Variants in NSD1 observed in about 807,000 individuals in gnomAD.
NSD1 encodes histone-lysine N-methyltransferase, H3 lysine-36 specific.
A neutral mutation model predicts 242.7 loss-of-function variants in NSD1; 26 were observed. The ratio of observed to expected loss-of-function variants is 0.11; its 90% CI spans 0.08 to 0.15. The LOEUF is 0.15. NSD1 is among the 10% of genes least tolerant of loss of function. NSD1 has a pLI of 1.00. For synonymous variants in NSD1, 1,106 were observed against 1,178.1 expected (o/e 0.94, Z 1.25); for missense variants, 2,495 against 3,272.8 (o/e 0.76, Z 5.80).
intron 14 of NSD1, chr5:177,266,328 T>G: frequency 1.4e-6 from 1 of 719,932 alleles, no homozygotes. Context: ...TAATCAGAGC[T>G]ACTGGAACAC....
At chr5:177,292,711 G>A (rs1351686550) in intron 22 of NSD1, among the ~76,000 whole-genome samples, 1 of 152,186 alleles carries the variant, frequency 6.6e-6, no homozygotes, top group South Asian at 2.1e-4. Context: ...AGGAGATTTG[G>A]TTGTATCAGT....
intron 2 of NSD1, chr5:177,136,309 T>C: frequency 2.7e-6 from 1 of 366,134 alleles, no homozygotes; most frequent in Non-Finnish European, 5.0e-6. Flanking sequence ...TTTCTCAAGT[T>C]GGAGGTATAC....
intron 5 of NSD1, among the ~76,000 whole-genome samples, chr5:177,232,387 G>T (rs1765126734): frequency 6.6e-6 from 1 of 152,178 alleles, no homozygotes; most frequent in Non-Finnish European, 1.5e-5. Context: ...TTCCTAATCA[G>T]AAATCCAAAA....
In NSD1 at chr5:177,269,889, C is replaced by A; in HGVS notation, c.5509+82C>A. The A allele has an allele frequency of 1.6e-6, 2 of 1,251,770 alleles. No individual in the cohort carries two copies. The highest frequency in any genetic ancestry group is 2.2e-6 in the Non-Finnish European group (2 of 891,862). 77.5% of individuals were successfully genotyped at this position (1,251,770 alleles called of 1,614,324 possible). Reference sequence around the variant, plus strand: ...TGATCTGTTTTAGAATTCACATATGCTCCATTTTGAAACTGCCTTTGTCCT... The same window carrying A: ...TGATCTGTTTTAGAATTCACATATGATCCATTTTGAAACTGCCTTTGTCCT... On this transcript the variant is annotated intron_variant, in intron 16 of 22. Transcript: ENST00000439151. This position sits in a 1 kb window ranked among gnomAD's most constrained non-coding sequence, Gnocchi z 5.1.
chr5:177,287,205 C>T (rs868044211), intron 20 of NSD1, among the ~76,000 whole-genome samples: 1 of 152,360 alleles, frequency 6.6e-6, no homozygotes, highest in African/African-American at 2.4e-5. Flanking sequence ...TGTGATTACA[C>T]TTACATAGTA....
In NSD1 at chr5:177,294,891, G is replaced by A. The variant is rs11542768; in HGVS notation, c.7523G>A (p.Cys2508Tyr). The part of the protein sequence containing the change: ...GHMPRAVEKG[C>Y]VSDPLQTSGK... ...ATGCCGAGAGCTGTTGAGAAAGGCT[G>A]TGTGTCAGATCCTCTTCAGACATCT... The change falls in exon 23 of 23, where the codon TGT becomes TAT. Residue 2508 changes from cysteine (C) to tyrosine (Y), a missense_variant. Physicochemically the swap from Cys to Tyr is radical, Grantham distance 194. Coordinates refer to ENST00000439151, the MANE Select transcript of NSD1 (RefSeq NM_022455.5). 1 of 1,613,840 alleles carries A rather than the reference G, an allele frequency of 6.2e-7. No individual in the cohort carries two copies. Among genetic ancestry groups the A allele is most frequent in the Non-Finnish European group, 8.5e-7 (1 of 1,179,946 alleles).
chr5:177,284,485 G>T (rs923640523), intron 20 of NSD1, among the ~76,000 whole-genome samples: 1 of 151,690 alleles, frequency 6.6e-6, no homozygotes. Context: ...GAGTCTTGCC[G>T]CTATGTTGCC....
chr5:177,184,679 C>T (rs1433049364), intron 2 of NSD1, among the ~76,000 whole-genome samples: 1 of 152,018 alleles, frequency 6.6e-6, no homozygotes, highest in African/African-American at 2.4e-5. Context: ...CAGGTGTGTG[C>T]TACCATGTCT....
intron 2 of NSD1, among the ~76,000 whole-genome samples, chr5:177,159,784 G>A (rs1464200883): frequency 6.6e-6 from 1 of 150,674 alleles, no homozygotes; most frequent in Non-Finnish European, 1.5e-5. Context: ...TAGAGATGGG[G>A]TTTCTCCGTG....
chr5:177,186,304 A>C, intron 2 of NSD1, among the ~76,000 whole-genome samples: 1 of 150,808 alleles, frequency 6.6e-6, no homozygotes, highest in East Asian at 1.9e-4. Flanking sequence ...AACGAAAAAG[A>C]AAAAATTGTT....
In NSD1 at chr5:177,133,846, G is replaced by A. The variant is rs1242337538; in HGVS notation, c.-124G>A. 1 of 150,774 alleles carries A rather than the reference G, an allele frequency of 6.6e-6. No individual in the cohort carries two copies. Among genetic ancestry groups the A allele is most frequent in the Non-Finnish European group, 1.5e-5 (1 of 67,564 alleles). 9.3% of individuals were successfully genotyped at this position (150,774 alleles called of 1,614,324 possible). A position where few individuals can be genotyped will look rare whatever the true frequency, so the allele number is the denominator to read the frequency against. On this transcript the variant is annotated 5_prime_UTR_variant, in exon 1 of 23. Coordinates refer to ENST00000439151, the MANE Select transcript of NSD1 (RefSeq NM_022455.5). This position sits in a 1 kb window ranked among gnomAD's most constrained non-coding sequence, Gnocchi z 6.2. ...CCCTGAAGAGAGACGCGGGGGGAGG[G>A]GGGTGCGGCGAGCGGCCCCGCTCTC...
chr5:177,142,996 G>T (rs1250495638), intron 2 of NSD1, among the ~76,000 whole-genome samples: 1 of 152,016 alleles, frequency 6.6e-6, no homozygotes, highest in Non-Finnish European at 1.5e-5. Context: ...TTATTCTCCT[G>T]GTCTGATTCA....
At position 177,189,535 on chromosome 5, in the gene NSD1, A is replaced by G. The variant is rs186724962; in HGVS notation, c.928-2349A>G. On this transcript the variant is annotated intron_variant, in intron 2 of 22. Transcript: ENST00000439151. ...AATAATGAGGTTTTGTTGTTATTGGATAACAGGAGAGTGGTTTAAGAATTT... is the reference window on the plus strand; with the variant it reads ...AATAATGAGGTTTTGTTGTTATTGGGTAACAGGAGAGTGGTTTAAGAATTT... Among the ~76,000 whole-genome samples, 829 of 152,318 alleles carry G rather than the reference A, an allele frequency of 5.4e-3. 7 individuals carry two copies. The highest frequency in any genetic ancestry group is 0.023 in the South Asian group (112 of 4,832).
chr5:177,203,134 T>C (rs903979087), intron 3 of NSD1, among the ~76,000 whole-genome samples: 1 of 152,194 alleles, frequency 6.6e-6, no homozygotes, highest in Admixed American at 6.6e-5. Flanking sequence ...ACAAGGGAAC[T>C]AGATGTGAGT....
intron 2 of NSD1, among the ~76,000 whole-genome samples, chr5:177,140,887 G>C (rs1254077892): frequency 1.3e-5 from 2 of 152,002 alleles, no homozygotes; most frequent in Non-Finnish European, 1.5e-5. Flanking sequence ...TTCCTCAGAG[G>C]TTCCTTCCTC....
intron 10 of NSD1, 121 bp from the exon 11 acceptor site, chr5:177,248,060 G>A (rs556633200): frequency 2.3e-5 from 36 of 1,542,316 alleles, no homozygotes; most frequent in African/African-American, 2.3e-4. Context: ...CAGTCCGCCC[G>A]AGTGATTGGC....
At chr5:177,204,021 C>T (rs1762696086) in intron 3 of NSD1, 99 bp from the exon 4 acceptor site, 1 of 1,188,172 alleles carries the variant, frequency 8.4e-7, no homozygotes, top group East Asian at 2.3e-5. Flanking sequence ...TTAGTTGTTT[C>T]CAGACAGTCT....
At chr5:177,283,494 G>A (rs1759059842) in intron 19 of NSD1, among the ~76,000 whole-genome samples, 1 of 152,148 alleles carries the variant, frequency 6.6e-6, no homozygotes, top group African/African-American at 2.4e-5. Context: ...CTTCAATGTA[G>A]TCAGAAACCC....
chr5:177,250,165 T>A (rs1755821059), intron 11 of NSD1, among the ~76,000 whole-genome samples: 1 of 152,234 alleles, frequency 6.6e-6, no homozygotes, highest in Admixed American at 6.5e-5. Context: ...GTGGCCAATA[T>A]AATTTCAATC....
Sources: gnomAD v4.1 joint callset for allele counts (sites outside exome capture counted in the v4.1 genomes callset) on GRCh38, gnomAD v4.1.1 for gene constraint, Gnocchi (gnomAD v3.1) non-coding constraint, MANE v1.5 for transcripts, NCBI Gene and HGNC (gene_info 2026-07-23, HGNC 2026-07-21) for gene names.